DCC: variants seen among roughly 807,000 people sequenced by gnomAD.
DCC encodes the protein netrin receptor DCC.
DCC carries 58 observed loss-of-function variants against 172.5 expected under a neutral mutation model. The ratio of observed to expected loss-of-function variants is 0.34; its 90% CI spans 0.27 to 0.42. The LOEUF (loss-of-function observed/expected upper bound fraction) is 0.42, where lower values mean the gene tolerates loss of function less well. Among genes scored for constraint, DCC ranks in the 10% least tolerant of loss-of-function variants. The pLI is 1.00. For synonymous variants in DCC, 709 were observed against 644.5 expected, an observed-to-expected ratio of 1.10 and a Z score of -1.52; for missense variants, 1,740 against 1,791.0, an observed-to-expected ratio of 0.97 and a Z score of 0.51.
At chr18:52,592,875 C>A (rs953483560) in intron 1 of DCC, among the ~76,000 whole-genome samples, 4 of 152,112 alleles carry the variant, frequency 2.6e-5, no homozygotes, top group Non-Finnish European at 4.4e-5. Context: ...AAACTCCTGG[C>A]TTCAAGTGAT....
In DCC at chr18:52,564,665, AT is replaced by A. The variant is rs1196602922; in HGVS notation, c.92-187387del. On this transcript the variant is annotated intron_variant, in intron 1 of 28. Coordinates refer to ENST00000442544, the MANE Select transcript of DCC (RefSeq NM_005215.4). ...GGTATGGGATATCTTTTATTATAAT[AT>A]TGGGGGGGGGGGTGTTAAAATGCCT... is the stretch of plus-strand genomic sequence containing the variant. 1.4e-4 allele frequency among the ~76,000 whole-genome samples: 11 copies of A among 79,548 alleles called. No homozygotes were observed. The South Asian group carries it at 6.8e-3, about 49-fold the overall frequency. The allele number at this position is 79,548 out of a possible 152,430, so 52.2% of individuals were successfully genotyped here. A position where few individuals can be genotyped will look rare whatever the true frequency, so the allele number is the denominator to read the frequency against.
chr18:52,808,514 G>A (rs1467014316), intron 2 of DCC, among the ~76,000 whole-genome samples: 3 of 151,692 alleles, frequency 2.0e-5, no homozygotes, highest in African/African-American at 4.8e-5. Flanking sequence ...TTTTATAAAT[G>A]TAAAATGGAT....
intron 7 of DCC, among the ~76,000 whole-genome samples, chr18:53,128,318 G>A (rs1183591857): frequency 6.6e-6 from 1 of 152,006 alleles, no homozygotes; most frequent in Non-Finnish European, 1.5e-5. Context: ...AAATAATGTG[G>A]CTAGTCTTGA....
intron 3 of DCC, among the ~76,000 whole-genome samples, chr18:52,913,652 T>A (rs1339149498): frequency 6.6e-6 from 1 of 152,118 alleles, no homozygotes; most frequent in Non-Finnish European, 1.5e-5. Flanking sequence ...AAGGAATGAA[T>A]ATGTCTTGGA....
intron 1 of DCC, among the ~76,000 whole-genome samples, chr18:52,650,023 G>A: frequency 7.2e-6 from 1 of 138,340 alleles, no homozygotes; most frequent in Non-Finnish European, 1.5e-5. Context: ...TTGTTGCCCA[G>A]GCTGGAGTGC....
intron 18 of DCC, 103 bp downstream of exon 18, chr18:53,397,549 C>T (rs916460867): frequency 2.4e-6 from 3 of 1,254,346 alleles, no homozygotes; most frequent in East Asian, 4.7e-5. Flanking sequence ...TATACCTTAT[C>T]CTATATAAAA....
intron 21 of DCC, among the ~76,000 whole-genome samples, chr18:53,419,864 A>T (rs1041477692): frequency 6.6e-6 from 1 of 151,340 alleles, no homozygotes; most frequent in Non-Finnish European, 1.5e-5. Context: ...TATTTTTTTT[A>T]ATTTTTTGAC....
intron 1 of DCC, among the ~76,000 whole-genome samples, chr18:52,483,108 C>T (rs1210063373): frequency 6.6e-6 from 1 of 152,028 alleles, no homozygotes; most frequent in African/African-American, 2.4e-5. Context: ...CCTCTGGCTC[C>T]CTCTTCATAT....
At chr18:53,422,741 T>C (rs976050313) in intron 21 of DCC, among the ~76,000 whole-genome samples, 3 of 152,180 alleles carry the variant, frequency 2.0e-5, no homozygotes, top group Non-Finnish European at 2.9e-5. Flanking sequence ...ATCCAGACTT[T>C]GCAGGGTTTG....
intron 1 of DCC, among the ~76,000 whole-genome samples, chr18:52,366,258 G>T (rs555427415): frequency 2.6e-5 from 4 of 152,252 alleles, no homozygotes; most frequent in African/African-American, 9.6e-5. Context: ...GACCCTCGCG[G>T]TGAGTGTTAC....
chr18:53,118,635 G>A (rs1342702926), intron 7 of DCC, among the ~76,000 whole-genome samples: 1 of 151,608 alleles, frequency 6.6e-6, no homozygotes, highest in African/African-American at 2.4e-5. Context: ...GTATAAGTGG[G>A]GACAATATAC....
intron 24 of DCC, among the ~76,000 whole-genome samples, chr18:53,466,577 G>A (rs547305264): frequency 6.6e-6 from 1 of 152,242 alleles, no homozygotes; most frequent in African/African-American, 2.4e-5. Flanking sequence ...CCAAGCTGGA[G>A]TGCAGTGGCG....
At chr18:53,349,951 T>G (rs1314772029) in intron 15 of DCC, among the ~76,000 whole-genome samples, 2 of 152,204 alleles carry the variant, frequency 1.3e-5, no homozygotes, top group African/African-American at 4.8e-5. Context: ...TGACTAGTAA[T>G]TTTAAAAAAC....
chr18:53,360,029 T>C (rs894798730), intron 15 of DCC, among the ~76,000 whole-genome samples: 2 of 152,024 alleles, frequency 1.3e-5, no homozygotes, highest in Non-Finnish European at 2.9e-5. Flanking sequence ...AAGAGCAAGA[T>C]TTGGGCCAGA....
intron 2 of DCC, among the ~76,000 whole-genome samples, chr18:52,801,499 A>C (rs922582322): frequency 1.3e-5 from 2 of 152,240 alleles, no homozygotes; most frequent in African/African-American, 4.8e-5. Flanking sequence ...AACATTAAAA[A>C]TTTCCAAAAG....
At chr18:53,520,149 T>C (rs1056317788) in intron 27 of DCC, among the ~76,000 whole-genome samples, 3 of 152,084 alleles carry the variant, frequency 2.0e-5, no homozygotes, top group Non-Finnish European at 4.4e-5. Context: ...AATGCCCCAT[T>C]TCAATGTCAA....
chr18:53,236,517 A>G (rs2056205254), intron 12 of DCC, among the ~76,000 whole-genome samples: 2 of 151,982 alleles, frequency 1.3e-5, no homozygotes, highest in South Asian at 4.1e-4. Flanking sequence ...TGTAAGTTGG[A>G]GGCTTTGGTA....
At chr18:53,371,847 A>T (rs8097041) in intron 15 of DCC, among the ~76,000 whole-genome samples, 84,021 of 151,894 alleles carry the variant, frequency 0.55, 24,036 homozygotes, top group Non-Finnish European at 0.64. Context: ...TGCAGCCAAC[A>T]AGCATATGAA....
intron 1 of DCC, among the ~76,000 whole-genome samples, chr18:52,623,706 TC>T (rs141597038): frequency 0.021 from 3,166 of 152,266 alleles, 132 homozygotes; most frequent in African/African-American, 0.073. Context: ...TGTAGCATTT[TC>T]CCCCTTATGT....
Sources: allele counts gnomAD v4.1 joint callset (sites outside exome capture counted in the v4.1 genomes callset), GRCh38; gene constraint gnomAD v4.1.1; transcripts MANE v1.5; gene names NCBI Gene and HGNC (gene_info 2026-07-23, HGNC 2026-07-21).